The following BORCS5 variants were observed in gnomAD, a reference collection of about 807,000 sequenced individuals.
The protein encoded by BORCS5 is BLOC-1 related complex subunit 5.
BORCS5 carries 17 observed loss-of-function variants against 22.1 expected under a neutral mutation model. That is an observed-to-expected ratio of 0.77 (90% CI 0.53 to 1.15). BORCS5 has a LOEUF of 1.15. BORCS5 is among the 50% of genes most tolerant of loss of function. The pLI, the probability that BORCS5 is intolerant of heterozygous loss-of-function variation, is 0.00. For missense variants in BORCS5, 247 were observed against 253.2 expected (o/e 0.98, Z 0.17); for synonymous variants, 117 against 99.8 (o/e 1.17, Z -1.03).
rs562648096 is a variant in BORCS5 at position 12,419,235 on chromosome 12, C to T, written c.203-16393C>T. On this transcript the variant is annotated intron_variant, in intron 2 of 3. Transcript: ENST00000314565. ...ACAGGCCCCGGTGTATGATGTTCCC[C>T]GCCCTGTGTCCAAGTGATCTCATTG... is the stretch of plus-strand genomic sequence containing the variant. 6.2e-4 allele frequency among the ~76,000 whole-genome samples: 95 copies of T among 152,242 alleles called. 3 individuals are homozygous for T. The South Asian group carries it at 0.015, about 24-fold the overall frequency.
At chr12:12,424,500 C>T (rs1293989273) in intron 2 of BORCS5, among the ~76,000 whole-genome samples, 3 of 151,826 alleles carry the variant, frequency 2.0e-5, no homozygotes, top group Non-Finnish European at 4.4e-5. Flanking sequence ...GTTTTAAAGT[C>T]TTTGTCTAGT....
intron 2 of BORCS5, among the ~76,000 whole-genome samples, chr12:12,420,721 T>C (rs1046693548): frequency 6.6e-6 from 1 of 152,208 alleles, no homozygotes; most frequent in Non-Finnish European, 1.5e-5. Context: ...TTTATCTCGT[T>C]ATTTCATCGA....
At chr12:12,379,494 T>G (rs527380736) in intron 2 of BORCS5, among the ~76,000 whole-genome samples, 3 of 151,716 alleles carry the variant, frequency 2.0e-5, no homozygotes, top group East Asian at 3.9e-4. Context: ...CAATTTTGTT[T>G]TAGAAAAGAT....
At chr12:12,465,183 G>A (rs1943176282) in intron 3 of BORCS5, among the ~76,000 whole-genome samples, 1 of 152,156 alleles carries the variant, frequency 6.6e-6, no homozygotes, top group Non-Finnish European at 1.5e-5. Flanking sequence ...CAAAGGATAA[G>A]CATTAGCAGC....
intron 3 of BORCS5, among the ~76,000 whole-genome samples, chr12:12,443,380 G>C (rs1171890144): frequency 2.0e-5 from 3 of 152,222 alleles, no homozygotes; most frequent in African/African-American, 7.2e-5. Flanking sequence ...TCAATTCCAG[G>C]TTGAAACCTT....
intron 3 of BORCS5, among the ~76,000 whole-genome samples, chr12:12,448,555 G>A (rs1942836450): frequency 1.4e-5 from 2 of 138,726 alleles, no homozygotes; most frequent in South Asian, 4.5e-4. Context: ...TTTTTTGACA[G>A]ATTTTCGCTC....
intron 3 of BORCS5, among the ~76,000 whole-genome samples, chr12:12,456,074 T>C (rs1942994053): frequency 6.6e-6 from 1 of 152,214 alleles, no homozygotes; most frequent in East Asian, 1.9e-4. Context: ...TTTTCTAACT[T>C]AAAATAAGCC....
chr12:12,451,212 G>A (rs1242438201), intron 3 of BORCS5, among the ~76,000 whole-genome samples: 5 of 150,496 alleles, frequency 3.3e-5, no homozygotes, highest in African/African-American at 9.8e-5. Context: ...ACTTTGTTGA[G>A]TCAGAGGGTT....
At chr12:12,357,628 GC>G in intron 1 of BORCS5, 119 bp downstream of exon 1, 1 of 1,079,676 alleles carries the variant, frequency 9.3e-7, no homozygotes, top group African/African-American at 1.6e-5. Flanking sequence ...CCTTCACCGT[GC>G]TAGTAGGAAA....
At chr12:12,375,030 T>G (rs930133127) in intron 2 of BORCS5, among the ~76,000 whole-genome samples, 6 of 152,148 alleles carry the variant, frequency 3.9e-5, no homozygotes, top group African/African-American at 1.4e-4. Context: ...TTTCTTTTTC[T>G]TTTGAGCTGG....
intron 2 of BORCS5, among the ~76,000 whole-genome samples, chr12:12,421,165 G>A (rs949968464): frequency 7.9e-5 from 12 of 152,062 alleles, no homozygotes; most frequent in Non-Finnish European, 1.0e-4. Context: ...TTGCCCATTC[G>A]GTATGATACT....
intron 2 of BORCS5, among the ~76,000 whole-genome samples, chr12:12,391,876 A>AC (rs1307323977): frequency 3.2e-5 from 4 of 126,438 alleles, no homozygotes; most frequent in Non-Finnish European, 5.1e-5. Flanking sequence ...TAAAAAAAAA[A>AC]AAAAAAAAAA....
chr12:12,407,907 A>G (rs1371309221), intron 2 of BORCS5, among the ~76,000 whole-genome samples: 2 of 151,850 alleles, frequency 1.3e-5, no homozygotes, highest in South Asian at 2.1e-4. Flanking sequence ...ACGGGGTTTC[A>G]CCATGTTGCC....
At chr12:12,383,890 C>T (rs1191084096) in intron 2 of BORCS5, among the ~76,000 whole-genome samples, 1 of 150,966 alleles carries the variant, frequency 6.6e-6, no homozygotes, top group East Asian at 1.9e-4. Context: ...CTCTTCTTTC[C>T]TTCTGGGATT....
chr12:12,371,029 G>C (rs561794898), intron 2 of BORCS5, among the ~76,000 whole-genome samples: 1 of 151,934 alleles, frequency 6.6e-6, no homozygotes, highest in Non-Finnish European at 1.5e-5. Flanking sequence ...GATTACAGGC[G>C]TGAGCCACTG....
chr12:12,369,111 A>C (rs529336643), intron 2 of BORCS5, among the ~76,000 whole-genome samples: 1 of 152,130 alleles, frequency 6.6e-6, no homozygotes, highest in South Asian at 2.1e-4. Context: ...TGTGTTTTGA[A>C]AGTCTATTAT....
At chr12:12,431,363 T>C (rs1418815768) in intron 2 of BORCS5, among the ~76,000 whole-genome samples, 1 of 152,068 alleles carries the variant, frequency 6.6e-6, no homozygotes, top group Non-Finnish European at 1.5e-5. Context: ...TTCTGTGAAA[T>C]ATCTTTTCAT....
intron 2 of BORCS5, among the ~76,000 whole-genome samples, chr12:12,431,509 C>G (rs1035407968): frequency 5.4e-5 from 8 of 147,374 alleles, no homozygotes; most frequent in Admixed American, 2.8e-4. Flanking sequence ...TCAAGCGATT[C>G]TCCTGCCTCA....
In BORCS5 at chr12:12,424,495, A is replaced by G. The variant is rs1230181274; in HGVS notation, c.203-11133A>G. Among the ~76,000 whole-genome samples the G allele has an allele frequency of 3.9e-5, 6 of 152,042 alleles. No homozygotes were observed. In the East Asian group the frequency reaches 1.2e-3, roughly 29 times the overall value. On this transcript the variant is annotated intron_variant, in intron 2 of 3. Coordinates refer to ENST00000314565, the MANE Select transcript of BORCS5 (RefSeq NM_058169.6). ...TGAGCATCTTTAAGACAGTTGTTTTAAAGTCTTTGTCTAGTGGATTTGCCA... is the reference window on the plus strand; with the variant it reads ...TGAGCATCTTTAAGACAGTTGTTTTGAAGTCTTTGTCTAGTGGATTTGCCA...
Sources: gnomAD v4.1 joint callset for allele counts (sites outside exome capture counted in the v4.1 genomes callset) on GRCh38, gnomAD v4.1.1 for gene constraint, MANE v1.5 for transcripts, NCBI Gene and HGNC (gene_info 2026-07-23, HGNC 2026-07-21) for gene names.